Variants in ANKS1B observed in about 807,000 individuals in gnomAD.
ANKS1B encodes the protein ankyrin repeat and sterile alpha motif domain-containing protein 1B.
ANKS1B carries 36 observed loss-of-function variants against 148.3 expected under a neutral mutation model. The ratio of observed to expected loss-of-function variants is 0.24; its 90% confidence interval spans 0.19 to 0.32. The LOEUF (loss-of-function observed/expected upper bound fraction) is 0.32. Among genes scored for constraint, ANKS1B ranks in the 10% least tolerant of loss-of-function variants. ANKS1B has a pLI of 1.00. For synonymous variants in ANKS1B, 542 were observed against 560.8 expected (o/e 0.97, Z 0.47); for missense variants, 1,157 against 1,542.6 (o/e 0.75, Z 4.19).
At chr12:99,634,682 C>A (rs79218007) in intron 9 of ANKS1B, among the ~76,000 whole-genome samples, 36 of 152,174 alleles carry the variant, frequency 2.4e-4, no homozygotes, top group African/African-American at 8.7e-4. Flanking sequence ...TAGAAGAAAG[C>A]AGAAAAGCTT....
chr12:99,970,334 A>T (rs2095543032), intron 1 of ANKS1B, among the ~76,000 whole-genome samples: 1 of 152,192 alleles, frequency 6.6e-6, no homozygotes, highest in Non-Finnish European at 1.5e-5. Context: ...TTGAAATAGC[A>T]TTGAAAAGGT....
intron 1 of ANKS1B, among the ~76,000 whole-genome samples, chr12:99,842,693 A>G (rs1421113440): frequency 6.6e-6 from 1 of 152,010 alleles, no homozygotes; most frequent in African/African-American, 2.4e-5. Context: ...CCCATGCTAT[A>G]TTTGGCACTG....
chr12:99,280,904 C>T (rs931901206), intron 12 of ANKS1B, among the ~76,000 whole-genome samples: 3 of 151,460 alleles, frequency 2.0e-5, no homozygotes, highest in Non-Finnish European at 2.9e-5. Context: ...CACACATGCA[C>T]GTACACACAC....
At chr12:99,812,983 A>G (rs572123554) in intron 2 of ANKS1B, among the ~76,000 whole-genome samples, 1 of 151,868 alleles carries the variant, frequency 6.6e-6, no homozygotes, top group African/African-American at 2.4e-5. Context: ...AAAAATTTTA[A>G]TAACTTCTCA....
At chr12:99,143,278 C>A (rs887297014) in intron 15 of ANKS1B, among the ~76,000 whole-genome samples, 1 of 152,018 alleles carries the variant, frequency 6.6e-6, no homozygotes, top group African/African-American at 2.4e-5. Context: ...ATTCAGAGGC[C>A]TATATTAATT....
In ANKS1B at chr12:98,870,161, T is replaced by C. The variant is rs143193553; in HGVS notation, c.2779-38025A>G. ...AAGATTCAATGTGAATTCAATGATA[T>C]AACACATCTAAAGCACTTAGAAGAG... On this transcript the variant is annotated intron_variant, in intron 17 of 26. Coordinates refer to ENST00000683438, the MANE Select transcript of ANKS1B (RefSeq NM_001352186.2). 6.4e-4 allele frequency among the ~76,000 whole-genome samples: 97 copies of C among 152,358 alleles called. 1 individual carries two copies. Among genetic ancestry groups the C allele is most frequent in the African/African-American group, 2.3e-3 (94 of 41,590 alleles).
At chr12:99,976,500 A>G (rs1321955080) in intron 1 of ANKS1B, among the ~76,000 whole-genome samples, 1 of 152,176 alleles carries the variant, frequency 6.6e-6, no homozygotes, top group Non-Finnish European at 1.5e-5. Context: ...TGTGGGAAAT[A>G]GAAACAGGAA....
intron 15 of ANKS1B, among the ~76,000 whole-genome samples, chr12:99,138,516 C>T (rs993113554): frequency 1.3e-5 from 2 of 152,162 alleles, no homozygotes; most frequent in Non-Finnish European, 1.5e-5. Flanking sequence ...CATACTCACC[C>T]GCCTTTGCTG....
intron 12 of ANKS1B, among the ~76,000 whole-genome samples, chr12:99,354,525 T>A (rs1216873944): frequency 6.6e-6 from 1 of 152,002 alleles, no homozygotes; most frequent in Non-Finnish European, 1.5e-5. Flanking sequence ...GTCTCACATA[T>A]AACAGACACT....
At chr12:99,395,212 T>A (rs1490656163) in intron 12 of ANKS1B, among the ~76,000 whole-genome samples, 1 of 152,112 alleles carries the variant, frequency 6.6e-6, no homozygotes, top group East Asian at 1.9e-4. Context: ...CCTCTCCCCA[T>A]CCATGATCGA....
intron 17 of ANKS1B, among the ~76,000 whole-genome samples, chr12:98,891,571 G>A (rs1011448204): frequency 6.6e-6 from 1 of 152,164 alleles, no homozygotes; most frequent in African/African-American, 2.4e-5. Context: ...TGACAGTTAT[G>A]TGGGAAGATA....
At chr12:98,994,670 G>A (rs1374439305) in intron 17 of ANKS1B, among the ~76,000 whole-genome samples, 2 of 152,270 alleles carry the variant, frequency 1.3e-5, no homozygotes, top group East Asian at 1.9e-4. Context: ...TAAGGTCAAG[G>A]TGTCGGCAGG....
intron 7 of ANKS1B, among the ~76,000 whole-genome samples, chr12:99,774,803 C>A (rs937160718): frequency 4.8e-5 from 7 of 145,342 alleles, no homozygotes; most frequent in Admixed American, 3.5e-4. Context: ...ACTACACAAA[C>A]AATGGACTAT....
chr12:99,587,239 C>T (rs975097609), intron 9 of ANKS1B, among the ~76,000 whole-genome samples: 2 of 152,140 alleles, frequency 1.3e-5, no homozygotes, highest in Non-Finnish European at 2.9e-5. Flanking sequence ...ACTAGGATTA[C>T]CCTGACACTG....
At chr12:99,176,246 T>A (rs1047417181) in intron 14 of ANKS1B, among the ~76,000 whole-genome samples, 1 of 152,136 alleles carries the variant, frequency 6.6e-6, no homozygotes, top group Admixed American at 6.6e-5. Context: ...CTGGTTGGCT[T>A]TTTAAAATGT....
chr12:99,895,037 T>C (rs910251672), intron 1 of ANKS1B, among the ~76,000 whole-genome samples: 1 of 151,068 alleles, frequency 6.6e-6, no homozygotes, highest in Non-Finnish European at 1.5e-5. Context: ...GTTAATTTTA[T>C]ATGTCAATTT....
chr12:99,582,394 G>C (rs956816762), intron 9 of ANKS1B, among the ~76,000 whole-genome samples: 1 of 150,644 alleles, frequency 6.6e-6, no homozygotes, highest in Non-Finnish European at 1.5e-5. Flanking sequence ...ACAAAGACTT[G>C]TACTTGAATG....
chr12:99,637,824 T>TAC (rs1342313533), intron 9 of ANKS1B, among the ~76,000 whole-genome samples: 1 of 147,804 alleles, frequency 6.8e-6, no homozygotes, highest in Non-Finnish European at 1.5e-5. Context: ...AATATATATA[T>TAC]ACACACACAT....
intron 11 of ANKS1B, among the ~76,000 whole-genome samples, chr12:99,414,126 T>C (rs1260927429): frequency 6.8e-6 from 1 of 147,830 alleles, no homozygotes; most frequent in Non-Finnish European, 1.5e-5. Context: ...TACTTTTTTT[T>C]TTTGCTTTTA....
Sources: gnomAD v4.1 joint callset for allele counts (sites outside exome capture counted in the v4.1 genomes callset) on GRCh38, gnomAD v4.1.1 for gene constraint, MANE v1.5 for transcripts, NCBI Gene and HGNC (gene_info 2026-07-23, HGNC 2026-07-21) for gene names.